The following PCM1 variants were observed in gnomAD, a reference collection of about 807,000 sequenced individuals.
The protein encoded by PCM1 is pericentriolar material 1 protein.
PCM1 carries 157 observed loss-of-function variants against 241.9 expected under a neutral mutation model. The observed-to-expected ratio is 0.65, with a 90% CI of 0.57 to 0.74. The LOEUF is 0.74. PCM1 is among the 30% of genes least tolerant of loss of function. The pLI is 0.00. For synonymous variants in PCM1, 1,085 were observed against 784.9 expected, an observed-to-expected ratio of 1.38 and a Z score of -6.39; for missense variants, 3,478 against 2,360.1, an observed-to-expected ratio of 1.47 and a Z score of -9.81.
chr8:18,017,863 A>G (rs1163800519), intron 36 of PCM1, among the ~76,000 whole-genome samples: 2 of 152,114 alleles, frequency 1.3e-5, no homozygotes, highest in South Asian at 2.1e-4. Context: ...CAAAAAAAAA[A>G]AGTTCCCAAG....
chr8:18,025,312 G>T, intron 36 of PCM1, 49 bp from the exon 37 acceptor site: 1 of 954,260 alleles, frequency 1.0e-6, no homozygotes, highest in South Asian at 1.4e-5. Flanking sequence ...TTACATGGAT[G>T]ACTGGTTTGG....
intron 36 of PCM1, among the ~76,000 whole-genome samples, chr8:18,024,546 T>C (rs545987691): frequency 3.3e-5 from 5 of 152,214 alleles, no homozygotes; most frequent in Admixed American, 6.5e-5. Context: ...TTTATTCTTA[T>C]CTGATCATTG....
chr8:17,981,533 T>G (rs774708179), intron 24 of PCM1, among the ~76,000 whole-genome samples: 1 of 152,226 alleles, frequency 6.6e-6, no homozygotes, highest in South Asian at 2.1e-4. Context: ...CAAAGAAATA[T>G]GGAGAGAGAG....
intron 29 of PCM1, among the ~76,000 whole-genome samples, chr8:17,997,646 C>G (rs756712781): frequency 1.3e-5 from 2 of 151,994 alleles, no homozygotes; most frequent in Non-Finnish European, 2.9e-5. Flanking sequence ...TTTAGTATGT[C>G]AGTTGCGTTT....
rs867630302 is a variant in PCM1, at chr8:17,994,743, T to A, written c.4827+1124T>A. 2.5e-4 allele frequency among the ~76,000 whole-genome samples: 37 copies of A among 146,338 alleles called. 1 individual carries two copies. Among genetic ancestry groups the A allele is most frequent in the Middle Eastern group, 3.4e-3 (1 of 294 alleles). ...GGGATAAGTGCCATTTTAACAGAGG[T>A]GAGATGATTTCTCGTTGTAGTTTTG... On this transcript the variant is annotated intron_variant, in intron 29 of 38. Transcript: ENST00000325083.
intron 2 of PCM1, among the ~76,000 whole-genome samples, chr8:17,933,774 A>G (rs2129448192): frequency 6.6e-6 from 1 of 152,156 alleles, no homozygotes; most frequent in South Asian, 2.1e-4. Flanking sequence ...TTCAGTGGTA[A>G]TATTTCTGTT....
chr8:17,999,502 C>A (rs534853679), intron 29 of PCM1, among the ~76,000 whole-genome samples: 20 of 152,112 alleles, frequency 1.3e-4, no homozygotes, highest in African/African-American at 4.8e-4. Flanking sequence ...CTGCCGGTGC[C>A]CTGTTGTAGC....
chr8:17,951,277 C>T (rs752425823), intron 8 of PCM1, among the ~76,000 whole-genome samples: 2 of 152,164 alleles, frequency 1.3e-5, no homozygotes, highest in Non-Finnish European at 2.9e-5. Flanking sequence ...ATTAATGCCT[C>T]TCCATTGGAA....
chr8:18,013,354 T>C (rs755398216), intron 34 of PCM1, among the ~76,000 whole-genome samples: 92 of 152,360 alleles, frequency 6.0e-4, no homozygotes, highest in Non-Finnish European at 9.6e-4. Context: ...TCTGATACTT[T>C]ACTGTGTCAT....
At chr8:17,999,841 T>G (rs1588175586) in intron 29 of PCM1, among the ~76,000 whole-genome samples, 1 of 152,154 alleles carries the variant, frequency 6.6e-6, no homozygotes, top group African/African-American at 2.4e-5. Context: ...CCCCTGCCTT[T>G]TTTTTTAATG....
intron 22 of PCM1, among the ~76,000 whole-genome samples, chr8:17,971,090 CACTT>C (rs1218442375): frequency 2.0e-5 from 3 of 152,194 alleles, no homozygotes; most frequent in Admixed American, 6.5e-5. Context: ...TCTGCAATAA[CACTT>C]TATTTATGGG....
intron 3 of PCM1, 33 bp from the exon 4 acceptor site, chr8:17,937,101 G>A: frequency 1.3e-6 from 2 of 1,509,600 alleles, no homozygotes; most frequent in Non-Finnish European, 1.8e-6. Context: ...TTTGATACAG[G>A]CCATGTTAAT....
chr8:18,014,428 TG>T (rs35278086), intron 35 of PCM1, among the ~76,000 whole-genome samples, 155 bp from the exon 36 acceptor site: 2 of 152,198 alleles, frequency 1.3e-5, no homozygotes, highest in South Asian at 4.1e-4. Context: ...CAACTAAATT[TG>T]GGAACCATTG....
At chr8:17,963,531 G>C (rs899134085) in intron 17 of PCM1, among the ~76,000 whole-genome samples, 7 of 152,244 alleles carry the variant, frequency 4.6e-5, no homozygotes, top group African/African-American at 1.7e-4. Flanking sequence ...ATCAAATGGT[G>C]ATACAGATTT....
intron 38 of PCM1, among the ~76,000 whole-genome samples, chr8:18,027,047 A>AAG (rs1292984552): frequency 1.3e-5 from 2 of 152,216 alleles, no homozygotes; most frequent in African/African-American, 4.8e-5. Context: ...CATCAGGATC[A>AAG]AAGGGTTTTC....
chr8:17,935,785 C>G (rs536908410), intron 3 of PCM1, 79 bp downstream of exon 3: 2 of 720,378 alleles, frequency 2.8e-6, no homozygotes, highest in Middle Eastern at 2.3e-4. Flanking sequence ...AAATTTAACT[C>G]ACTGATGCTC....
chr8:17,999,766 T>G (rs2088554636), intron 29 of PCM1, among the ~76,000 whole-genome samples: 1 of 152,122 alleles, frequency 6.6e-6, no homozygotes, highest in Non-Finnish European at 1.5e-5. Context: ...GTGTAGTTGT[T>G]AAAATTTGGT....
rs572093317 is a variant in PCM1 at position 17,937,225 on chromosome 8, A to G, written c.188A>G (p.Asp63Gly). ...GVESDKRVTN[D>G]ISPESSPGVG... is the part of the protein sequence containing the mutation. Reference sequence around the variant, plus strand: ...GAAAGTGATAAAAGAGTAACCAATGATATTTCTCCGGAGTCGTCACCAGGA... The same window carrying G: ...GAAAGTGATAAAAGAGTAACCAATGGTATTTCTCCGGAGTCGTCACCAGGA... The change falls in exon 4 of 39, where the codon GAT becomes GGT. Residue 63 changes from aspartate to glycine, a missense_variant. Asp to Gly is a moderately conservative substitution (Grantham distance 94). Coordinates refer to ENST00000325083, the MANE Select transcript of PCM1 (RefSeq NM_006197.4). 2 of 1,608,044 alleles carry G rather than the reference A, an allele frequency of 1.2e-6. No homozygotes were observed. The highest frequency in any genetic ancestry group is 2.7e-5 in the African/African-American group (2 of 74,840).
rs145682594 is a variant in PCM1, at chr8:18,001,505, A to G, written c.4828-4758A>G. Among the ~76,000 whole-genome samples the G allele has an allele frequency of 2.3e-3, 347 of 152,354 alleles. 1 individual carries two copies. The highest frequency in any genetic ancestry group is 8.1e-3 in the African/African-American group (335 of 41,584). ...AGTACTATTAATTTCATTTAACAAC[A>G]TTGATCAGGGCAGATGGAGACATGT... On this transcript the variant is annotated intron_variant, in intron 29 of 38. Transcript: ENST00000325083.
Sources: gnomAD v4.1 joint callset for allele counts (sites outside exome capture counted in the v4.1 genomes callset) on GRCh38, gnomAD v4.1.1 for gene constraint, MANE v1.5 for transcripts, NCBI Gene and HGNC (gene_info 2026-07-23, HGNC 2026-07-21) for gene names.